The following SPATA18 variants were observed in gnomAD, a reference collection of about 807,000 sequenced individuals.
The protein encoded by SPATA18 is mitochondria-eating protein.
SPATA18 carries 54 observed loss-of-function variants against 68.1 expected under a neutral mutation model. That is an observed-to-expected ratio of 0.79 (90% CI 0.64 to 0.99). The LOEUF is 0.99. Among genes scored for constraint, SPATA18 ranks in the 50% least tolerant of loss-of-function variants. The pLI is 0.00. For synonymous variants in SPATA18, 242 were observed against 244.8 expected (o/e 0.99, Z 0.11); for missense variants, 724 against 681.1 (o/e 1.06, Z -0.70).
Position 52,078,810 on chromosome 4 carries a change from G to A in SPATA18, c.1096G>A (p.Val366Met), listed in dbSNP as rs759344492. Residue 366 changes from valine to methionine, a missense_variant, in exon 8 of 13, where the codon GTG (valine) becomes ATG (methionine). By Grantham distance (21) the Val-to-Met change is conservative. Coordinates refer to ENST00000295213, the MANE Select transcript of SPATA18 (RefSeq NM_145263.4). Reference protein sequence around the residue: ...HVRKSLTPSYVGSNDFENAVL... With the variant: ...HVRKSLTPSYMGSNDFENAVL... Reference sequence around the variant, plus strand: ...GAGAAAATCGTTGACACCATCTTATGTGGGGTCGAATGACTTTGAGAATGC... The same window carrying A: ...GAGAAAATCGTTGACACCATCTTATATGGGGTCGAATGACTTTGAGAATGC... The A allele has an allele frequency of 1.4e-5, 22 of 1,609,744 alleles. No homozygotes were observed. Among genetic ancestry groups the A allele is most frequent in the Middle Eastern group, 1.6e-4 (1 of 6,074 alleles).
At chr4:52,066,009 G>A (rs925968003) in intron 4 of SPATA18, among the ~76,000 whole-genome samples, 3 of 152,034 alleles carry the variant, frequency 2.0e-5, no homozygotes, top group African/African-American at 7.3e-5. Flanking sequence ...CCCTGCCCTG[G>A]TTCAATCCTC....
At position 52,072,043 on chromosome 4, in the gene SPATA18, G is replaced by A; in HGVS notation, c.645G>A (p.Lys215=). 6.2e-7 allele frequency: 1 copy of A among 1,613,900 alleles called. No individual in the cohort carries two copies. The highest frequency in any genetic ancestry group is 1.7e-5 in the Admixed American group (1 of 59,978). Residue 215 remains lysine, a synonymous_variant, in exon 6 of 13, where the codon AAG becomes AAA. Coordinates refer to ENST00000295213, the MANE Select transcript of SPATA18 (RefSeq NM_145263.4). Reference sequence around the variant, plus strand: ...AGCGTGAGCAGTGGAACTCACTCAAGCAGAATGCAGACCAGCAGGACACAG... The same window carrying A: ...AGCGTGAGCAGTGGAACTCACTCAAACAGAATGCAGACCAGCAGGACACAG... The part of the protein sequence containing the change: ...ERKREQWNSL[K]QNADQQDTEA...
intron 5 of SPATA18, 106 bp downstream of exon 5, chr4:52,070,022 C>T (rs1268326691): frequency 2.4e-6 from 1 of 416,214 alleles, no homozygotes; most frequent in East Asian, 5.0e-5. Flanking sequence ...AGAGAAAATG[C>T]AGAAATATTT....
chr4:52,076,923 C>T lies in SPATA18; in HGVS notation c.903C>T (p.Ala301=). 1 of 1,614,198 alleles carries T rather than the reference C, an allele frequency of 6.2e-7. No individual in the cohort carries two copies. Among genetic ancestry groups the T allele is most frequent in the Non-Finnish European group, 8.5e-7 (1 of 1,180,044 alleles). Residue 301 remains alanine, a synonymous_variant, in exon 7 of 13, where the codon GCC becomes GCT. Coordinates refer to ENST00000295213, the MANE Select transcript of SPATA18 (RefSeq NM_145263.4). The part of the protein sequence containing the change: ...SKLSNVARKA[A]LLSRFSDSYS... ...TGTCCAATGTGGCGCGCAAGGCTGC[C>T]CTCTTGTCCCGGTTCAGCGATTCCT...
chr4:52,094,686 A>G (rs969493674), intron 12 of SPATA18, 114 bp downstream of exon 12: 4 of 1,304,352 alleles, frequency 3.1e-6, no homozygotes, highest in Non-Finnish European at 4.4e-6. Flanking sequence ...TCTTTTTCTT[A>G]CTCCTCACAC....
Position 52,051,644 on chromosome 4 carries a change from C to A in SPATA18, c.-61C>A. 1 of 1,525,846 alleles carries A rather than the reference C, an allele frequency of 6.6e-7. No individual in the cohort carries two copies. The highest frequency in any genetic ancestry group is 9.1e-7 in the Non-Finnish European group (1 of 1,099,788). 94.5% of individuals were successfully genotyped at this position (1,525,846 alleles called of 1,614,324 possible). The stretch of plus-strand genomic sequence containing the variant: ...ATATCACCCCACGGTCCTGCGGAGG[C>A]CACCGCCTGGTCCCCCCAAGTCTCC... On this transcript the variant is annotated 5_prime_UTR_variant, in exon 1 of 13. Transcript: ENST00000295213.
At chr4:52,094,164 C>T (rs569611343) in intron 11 of SPATA18, among the ~76,000 whole-genome samples, 2 of 152,224 alleles carry the variant, frequency 1.3e-5, no homozygotes, top group African/African-American at 4.8e-5. Flanking sequence ...CCTGGTGACC[C>T]TTCTTAATAG....
At position 52,072,036 on chromosome 4, in the gene SPATA18, C is replaced by T. The variant is rs1183660223; in HGVS notation, c.638C>T (p.Ser213Leu). ...LEERKREQWN[S>L]LKQNADQQDT... is the part of the protein sequence containing the mutation. ...GAGCGGAAGCGTGAGCAGTGGAACTCACTCAAGCAGAATGCAGACCAGCAG... is the reference window on the plus strand; with the variant it reads ...GAGCGGAAGCGTGAGCAGTGGAACTTACTCAAGCAGAATGCAGACCAGCAG... The change falls in exon 6 of 13, where the codon TCA becomes TTA. Residue 213 changes from serine (S) to leucine (L), a missense_variant. Physicochemically the swap from Ser to Leu is moderately radical, Grantham distance 145. Coordinates refer to ENST00000295213, the MANE Select transcript of SPATA18 (RefSeq NM_145263.4). The T allele has an allele frequency of 6.2e-7, 1 of 1,613,902 alleles. No individual in the cohort carries two copies. The highest frequency in any genetic ancestry group is 2.2e-5 in the East Asian group (1 of 44,834).
chr4:52,070,593 G>C (rs922487424), intron 5 of SPATA18, among the ~76,000 whole-genome samples: 2 of 151,820 alleles, frequency 1.3e-5, no homozygotes, highest in African/African-American at 4.8e-5. Flanking sequence ...TAAATGACGA[G>C]TTAATGGGTG....
At chr4:52,081,317 A>G (rs763503007) in intron 9 of SPATA18, among the ~76,000 whole-genome samples, 145 of 152,212 alleles carry the variant, frequency 9.5e-4, no homozygotes, top group Non-Finnish European at 1.9e-3. Context: ...TGGATTTTCT[A>G]ACAATGATTG....
chr4:52,060,543 T>G lies in SPATA18; in HGVS notation c.193+19T>G. 6.2e-7 allele frequency: 1 copy of G among 1,604,262 alleles called. No individual in the cohort carries two copies. Among genetic ancestry groups the G allele is most frequent in the Non-Finnish European group, 8.5e-7 (1 of 1,171,340 alleles). ...CAAGAAGGTGAGAATGGCCTGTAAT[T>G]TCCCATCCAGTTCTGCTTGCCTTTC... is the stretch of plus-strand genomic sequence containing the variant. On this transcript the variant is annotated intron_variant, in intron 2 of 12. Coordinates refer to ENST00000295213, the MANE Select transcript of SPATA18 (RefSeq NM_145263.4).
intron 3 of SPATA18, among the ~76,000 whole-genome samples, chr4:52,061,487 AAATAATAATAATAAT>A (rs3050629): frequency 2.1e-5 from 3 of 143,526 alleles, no homozygotes; most frequent in East Asian, 2.0e-4. Flanking sequence ...CCTAAAGTAA[AAATAATAATAATAAT>A]AATAATAATA....
chr4:52,094,610 T>G (rs767145909), intron 12 of SPATA18, 38 bp downstream of exon 12: 4 of 1,590,770 alleles, frequency 2.5e-6, no homozygotes, highest in Non-Finnish European at 3.5e-6. Context: ...AATTTTCTGC[T>G]TTTTAATACT....
At chr4:52,068,904 C>G (rs1739559353) in intron 4 of SPATA18, among the ~76,000 whole-genome samples, 1 of 152,046 alleles carries the variant, frequency 6.6e-6, no homozygotes, top group Non-Finnish European at 1.5e-5. Flanking sequence ...TACTTTGTCA[C>G]CCAGGCTGAA....
intron 6 of SPATA18, among the ~76,000 whole-genome samples, chr4:52,074,424 A>G (rs1199564013): frequency 6.6e-6 from 1 of 152,166 alleles, no homozygotes; most frequent in African/African-American, 2.4e-5. Context: ...AAGTCATGGT[A>G]ATGTCCCAGC....
rs1004003874 is a variant in SPATA18, at chr4:52,095,129, G to A, written c.*242G>A. 1.1e-5 allele frequency: 6 copies of A among 553,188 alleles called. No individual in the cohort carries two copies. The highest frequency in any genetic ancestry group is 2.9e-5 in the East Asian group (1 of 34,110). The allele number at this position is 553,188 out of a possible 1,614,324, so 34.3% of individuals were successfully genotyped here. ...TAATTTCATAAAAATGATTGTATAG[G>A]CATTTAGGATCATATTCATTCGAAG... On this transcript the variant is annotated 3_prime_UTR_variant, in exon 13 of 13. Coordinates refer to ENST00000295213, the MANE Select transcript of SPATA18 (RefSeq NM_145263.4).
At chr4:52,060,097 G>C (rs920688201) in intron 1 of SPATA18, among the ~76,000 whole-genome samples, 5 of 152,118 alleles carry the variant, frequency 3.3e-5, no homozygotes, top group African/African-American at 1.2e-4. Flanking sequence ...TGGCTCTTCT[G>C]CATTCAGTTG....
chr4:52,058,331 G>A (rs1178371920), intron 1 of SPATA18, among the ~76,000 whole-genome samples: 1 of 151,528 alleles, frequency 6.6e-6, no homozygotes, highest in Non-Finnish European at 1.5e-5. Context: ...ATGAGATGGA[G>A]AAAAAATGGC....
chr4:52,094,863 T>C lies in SPATA18; in HGVS notation c.1610-17T>C. 1 of 1,613,954 alleles carries C rather than the reference T, an allele frequency of 6.2e-7. No individual in the cohort carries two copies. The highest frequency in any genetic ancestry group is 1.1e-5 in the South Asian group (1 of 91,070). ...AGAAAGTGACCATAATAATGAACTG[T>C]CTATTTTTCTCCCTAGGATTTTAAA... On this transcript the variant is annotated splice_polypyrimidine_tract_variant and intron_variant, in intron 12 of 12. Transcript: ENST00000295213.
Sources: allele counts gnomAD v4.1 joint callset (sites outside exome capture counted in the v4.1 genomes callset), GRCh38; gene constraint gnomAD v4.1.1; transcripts MANE v1.5; gene names NCBI Gene and HGNC (gene_info 2026-07-23, HGNC 2026-07-21).